Variants in ST3GAL6 observed in about 807,000 individuals in gnomAD.
ST3GAL6 encodes the protein type 2 lactosamine alpha-2,3-sialyltransferase.
In ST3GAL6, 31 loss-of-function variants were observed where a neutral mutation model predicts 40.5. That is an observed-to-expected ratio of 0.77 (90% CI 0.58 to 1.03). ST3GAL6 has a LOEUF of 1.03. Among genes scored for constraint, ST3GAL6 ranks in the 50% least tolerant of loss-of-function variants. ST3GAL6 has a pLI of 0.00. For synonymous variants in ST3GAL6, 129 were observed against 136.9 expected (o/e 0.94, Z 0.40); for missense variants, 357 against 393.2 (o/e 0.91, Z 0.78).
intron 5 of ST3GAL6, 124 bp downstream of exon 5, chr3:98,774,107 A>G (rs948699755): frequency 4.3e-6 from 3 of 702,956 alleles, no homozygotes; most frequent in African/African-American, 1.8e-5. Context: ...TGCATAACCA[A>G]AATTTCTAGT....
In ST3GAL6 at chr3:98,792,150, A is replaced by G. The variant is rs147079932; in HGVS notation, c.909+157A>G. The stretch of plus-strand genomic sequence containing the variant: ...GATTACAGGGCTACCAAGGGCTGTA[A>G]CTAGAACTCATGTCCAGGATCATTT... On this transcript the variant is annotated intron_variant, in intron 9 of 9. Coordinates refer to ENST00000483910, the MANE Select transcript of ST3GAL6 (RefSeq NM_001323368.2). Among the ~76,000 whole-genome samples the G allele has an allele frequency of 6.6e-5, 10 of 152,304 alleles. No homozygotes were observed. In the East Asian group the frequency reaches 1.9e-3, roughly 29 times the overall value.
chr3:98,747,631 ATG>A (rs1363108964), intron 1 of ST3GAL6, among the ~76,000 whole-genome samples: 1 of 152,222 alleles, frequency 6.6e-6, no homozygotes, highest in Non-Finnish European at 1.5e-5. Flanking sequence ...CAAATTTGTG[ATG>A]TATTTGTTTG....
upstream of ST3GAL6, among the ~76,000 whole-genome samples, chr3:98,761,269 A>G (rs1035862665): frequency 6.6e-6 from 1 of 152,040 alleles, no homozygotes; most frequent in Non-Finnish European, 1.5e-5. Context: ...GTATAGTGAG[A>G]CCCTGTCTCA....
chr3:98,733,474 G>A (rs1026897597), intron 1 of ST3GAL6: 10 of 989,304 alleles, frequency 1.0e-5, no homozygotes, highest in African/African-American at 5.2e-5. Context: ...AGGGTTGAGG[G>A]GTCTGGAAGG....
At chr3:98,781,474 T>G in intron 5 of ST3GAL6, among the ~76,000 whole-genome samples, 1 of 143,136 alleles carries the variant, frequency 7.0e-6, no homozygotes, top group African/African-American at 2.6e-5. Flanking sequence ...ACTTAAAGTA[T>G]AAAAAAAAAA....
intron 5 of ST3GAL6, among the ~76,000 whole-genome samples, chr3:98,781,515 G>A (rs1940126462): frequency 6.6e-6 from 1 of 152,082 alleles, no homozygotes; most frequent in Non-Finnish European, 1.5e-5. Flanking sequence ...AACCTTTCTG[G>A]GGTCAACTTC....
intron 1 of ST3GAL6, chr3:98,756,264 G>C: frequency 1.0e-6 from 1 of 956,876 alleles, no homozygotes; most frequent in South Asian, 1.4e-5. Context: ...TCAGAAGTGA[G>C]TTTACTAAAA....
At position 98,793,899 on chromosome 3, in the gene ST3GAL6, G is replaced by A. The variant is rs1375795123; in HGVS notation, c.*138G>A. On this transcript the variant is annotated 3_prime_UTR_variant, in exon 10 of 10. Coordinates refer to ENST00000483910, the MANE Select transcript of ST3GAL6 (RefSeq NM_001323368.2). ...GCTGCCTGGTGATTCATAACCACCAGCTTAATTTCTGTGAATACTGTATAT... is the reference window on the plus strand; with the variant it reads ...GCTGCCTGGTGATTCATAACCACCAACTTAATTTCTGTGAATACTGTATAT... 2.0e-5 allele frequency: 9 copies of A among 449,030 alleles called. No individual in the cohort carries two copies. Among genetic ancestry groups the A allele is most frequent in the Admixed American group, 1.3e-4 (3 of 23,226 alleles). The allele number at this position is 449,030 out of a possible 1,614,324, so 27.8% of individuals were successfully genotyped here.
intron 1 of ST3GAL6, among the ~76,000 whole-genome samples, chr3:98,740,307 C>A (rs1020777115): frequency 1.2e-4 from 17 of 137,246 alleles, no homozygotes; most frequent in Non-Finnish European, 2.0e-4. Flanking sequence ...CATATTCTTA[C>A]AAAAATCTTA....
intron 1 of ST3GAL6, among the ~76,000 whole-genome samples, chr3:98,750,069 T>C (rs981623654): frequency 2.0e-5 from 3 of 152,250 alleles, no homozygotes; most frequent in Non-Finnish European, 2.9e-5. Flanking sequence ...ACACATGATT[T>C]TTTTTTAACA....
intron 6 of ST3GAL6, among the ~76,000 whole-genome samples, chr3:98,786,610 A>G (rs915522190): frequency 1.3e-5 from 2 of 152,194 alleles, no homozygotes; most frequent in African/African-American, 2.4e-5. Flanking sequence ...AGAGAAACCA[A>G]TGTAGTCCAG....
In ST3GAL6 at chr3:98,795,237, T is replaced by C. The variant is rs1200668644; in HGVS notation, c.*1476T>C. On this transcript the variant is annotated 3_prime_UTR_variant, in exon 10 of 10. Transcript: ENST00000483910. Reference sequence around the variant, plus strand: ...ACTCTCTTTTGACCAATAAATACAATTGGGAAACACTGGAAAACCATGGCT... The same window carrying C: ...ACTCTCTTTTGACCAATAAATACAACTGGGAAACACTGGAAAACCATGGCT... 10 of 152,062 alleles carry C rather than the reference T, an allele frequency of 6.6e-5. No individual in the cohort carries two copies. The highest frequency in any genetic ancestry group is 1.7e-4 in the African/African-American group (7 of 41,356). 9.4% of individuals were successfully genotyped at this position (152,062 alleles called of 1,614,324 possible).
At chr3:98,732,968 G>A in intron 1 of ST3GAL6, 1 of 1,501,876 alleles carries the variant, frequency 6.7e-7, no homozygotes, top group South Asian at 1.2e-5. Flanking sequence ...GCCTCGGCGG[G>A]TCACTCTTGC....
chr3:98,742,065 T>G (rs1239597892), intron 1 of ST3GAL6, among the ~76,000 whole-genome samples: 1 of 152,210 alleles, frequency 6.6e-6, no homozygotes, highest in Non-Finnish European at 1.5e-5. Flanking sequence ...GTGCTTTCTA[T>G]TCACAGCTTC....
At position 98,768,367 on chromosome 3, in the gene ST3GAL6, T is replaced by C. The variant is rs995981657; in HGVS notation, c.-11-63T>C. The stretch of plus-strand genomic sequence containing the variant: ...TCCAATAATGCTTATATTTGAGCCA[T>C]TGTGAAAATCCATTTGTATAACAAC... On this transcript the variant is annotated intron_variant, in intron 1 of 9. Transcript: ENST00000483910. The C allele has an allele frequency of 5.2e-6, 6 of 1,148,780 alleles. No individual in the cohort carries two copies. In the Admixed American group the frequency reaches 1.1e-4, roughly 20 times the overall value. 71.2% of individuals were successfully genotyped at this position (1,148,780 alleles called of 1,614,324 possible). A position where few individuals can be genotyped will look rare whatever the true frequency, so the allele number is the denominator to read the frequency against.
chr3:98,773,620 TTTCTA>T, intron 4 of ST3GAL6: 1 of 219,576 alleles, frequency 4.6e-6, no homozygotes, highest in Non-Finnish European at 8.5e-6. Flanking sequence ...AAACTTACTA[TTTCTA>T]TTCTAACATC....
rs2919234 is a variant in ST3GAL6 at position 98,779,394 on chromosome 3, A to T, written c.335+5411A>T. On this transcript the variant is annotated intron_variant, in intron 5 of 9. Transcript: ENST00000483910. ...AAGCAGGGATCTGCTAGCAAGGCACATGGGGTAATGGGTGTTGGGAATGTG... is the reference window on the plus strand; with the variant it reads ...AAGCAGGGATCTGCTAGCAAGGCACTTGGGGTAATGGGTGTTGGGAATGTG... Among the ~76,000 whole-genome samples the T allele has an allele frequency of 6.9e-3, 1,046 of 151,952 alleles. 12 individuals are homozygous for T. The highest frequency in any genetic ancestry group is 0.012 in the Non-Finnish European group (846 of 67,918).
chr3:98,737,500 A>G (rs1049902205), intron 1 of ST3GAL6, among the ~76,000 whole-genome samples: 2 of 152,178 alleles, frequency 1.3e-5, no homozygotes, highest in Non-Finnish European at 2.9e-5. Flanking sequence ...TATCACAAAG[A>G]CAGGCAGAGC....
chr3:98,769,987 G>T (rs943881543), intron 2 of ST3GAL6, among the ~76,000 whole-genome samples: 2 of 152,064 alleles, frequency 1.3e-5, no homozygotes, highest in Non-Finnish European at 1.5e-5. Flanking sequence ...GTTTTCCTGC[G>T]TAAGGAGTTT....
Sources: gnomAD v4.1 joint callset for allele counts (sites outside exome capture counted in the v4.1 genomes callset) on GRCh38, gnomAD v4.1.1 for gene constraint, MANE v1.5 for transcripts, NCBI Gene and HGNC (gene_info 2026-07-23, HGNC 2026-07-21) for gene names.